Variants in RIC1 observed in about 807,000 individuals in gnomAD.
RIC1 encodes the protein guanine nucleotide exchange factor subunit RIC1.
Under a neutral mutation model 169.0 loss-of-function variants are expected in RIC1, and 88 were observed. That is an observed-to-expected ratio of 0.52 (90% CI 0.44 to 0.62). RIC1 has a LOEUF of 0.62. Ranked by LOEUF, RIC1 falls within the 20% of genes least tolerant of loss-of-function variation. RIC1 has a pLI of 0.00. For synonymous variants in RIC1, 790 were observed against 601.5 expected (o/e 1.31, Z -4.59); for missense variants, 1,877 against 1,725.5 (o/e 1.09, Z -1.56).
In RIC1 at chr9:5,708,921, TC is replaced by T. The variant is rs1434199987; in HGVS notation, c.333-4974del. ...TCTTTAAACTGGGTCTATTTTTTTT[TC>T]ATTCTTTTTTCCTATTTCTTGGATT... On this transcript the variant is annotated intron_variant, in intron 3 of 25. Transcript: ENST00000414202. Among the ~76,000 whole-genome samples the T allele has an allele frequency of 2.0e-5, 3 of 152,258 alleles. No homozygotes were observed. In the East Asian group the frequency reaches 5.8e-4, roughly 29 times the overall value.
intron 1 of RIC1, among the ~76,000 whole-genome samples, chr9:5,650,670 GT>G (rs1417096919): frequency 5.3e-5 from 8 of 152,168 alleles, no homozygotes; most frequent in African/African-American, 1.9e-4. Context: ...CTTGCTGTTA[GT>G]GGAGATGGGG....
intron 23 of RIC1, among the ~76,000 whole-genome samples, chr9:5,770,823 C>G (rs957597900): frequency 2.0e-5 from 3 of 151,996 alleles, no homozygotes; most frequent in Non-Finnish European, 2.9e-5. Context: ...GGTGCTTTTA[C>G]AAAAAAATGT....
rs142598479 is a variant in RIC1, at chr9:5,680,763, C to T, written c.253-9196C>T. 9.6e-4 allele frequency among the ~76,000 whole-genome samples: 141 copies of T among 147,370 alleles called. 1 individual carries two copies. The East Asian group carries it at 0.021, about 22-fold the overall frequency. ...TTTTCTTCTTTATTAGTCTTGCTAG[C>T]GGTCTATCAATTTTGTTGATCTTTC... On this transcript the variant is annotated intron_variant, in intron 2 of 25. Transcript: ENST00000414202.
intron 7 of RIC1, among the ~76,000 whole-genome samples, chr9:5,733,057 T>G (rs577344687): frequency 1.3e-5 from 2 of 152,298 alleles, no homozygotes; most frequent in African/African-American, 4.8e-5. Context: ...GAGCTTAAAT[T>G]TTAGCTCATA....
At chr9:5,658,340 G>C (rs1271947477) in intron 2 of RIC1, among the ~76,000 whole-genome samples, 3 of 152,150 alleles carry the variant, frequency 2.0e-5, no homozygotes, top group South Asian at 4.1e-4. Context: ...GGTTAAGTTA[G>C]AAGAATTAAA....
chr9:5,761,048 C>A (rs1403989495), intron 17 of RIC1, among the ~76,000 whole-genome samples: 1 of 151,502 alleles, frequency 6.6e-6, no homozygotes, highest in Non-Finnish European at 1.5e-5. Flanking sequence ...CTCTTTTTAC[C>A]CTGGCTAGTG....
At chr9:5,649,363 T>C (rs1267975821) in intron 1 of RIC1, among the ~76,000 whole-genome samples, 1 of 152,190 alleles carries the variant, frequency 6.6e-6, no homozygotes, top group African/African-American at 2.4e-5. Flanking sequence ...TGGTGTCCCA[T>C]ATGTCATGTA....
intron 6 of RIC1, among the ~76,000 whole-genome samples, chr9:5,731,969 G>T (rs190084566): frequency 6.6e-6 from 1 of 152,296 alleles, no homozygotes; most frequent in East Asian, 1.9e-4. Flanking sequence ...CAAACAGAAT[G>T]TACTACTTTT....
chr9:5,691,454 C>A (rs1036956704), intron 3 of RIC1, among the ~76,000 whole-genome samples: 1 of 151,910 alleles, frequency 6.6e-6, no homozygotes, highest in Non-Finnish European at 1.5e-5. Context: ...TTTTGGAAAT[C>A]TTTAAAGTAC....
intron 4 of RIC1, 84 bp from the exon 5 acceptor site, chr9:5,720,098 G>A (rs1823494528): frequency 1.0e-6 from 1 of 1,004,064 alleles, no homozygotes; most frequent in South Asian, 1.8e-5. Flanking sequence ...ATTTTTGCAT[G>A]AGTATTCTCT....
At chr9:5,661,347 T>C (rs531698766) in intron 2 of RIC1, among the ~76,000 whole-genome samples, 4 of 152,300 alleles carry the variant, frequency 2.6e-5, no homozygotes, top group South Asian at 4.1e-4. Flanking sequence ...AATTTTAAAA[T>C]AGCTTTTTTC....
intron 23 of RIC1, among the ~76,000 whole-genome samples, chr9:5,771,891 G>A (rs1827246718): frequency 6.6e-6 from 1 of 152,092 alleles, no homozygotes; most frequent in South Asian, 2.1e-4. Context: ...ATTAACTGAA[G>A]AAAATCCATG....
At chr9:5,661,954 A>G (rs551970574) in intron 2 of RIC1, among the ~76,000 whole-genome samples, 13 of 152,130 alleles carry the variant, frequency 8.5e-5, no homozygotes, top group Admixed American at 7.9e-4. Flanking sequence ...TCATTATGAT[A>G]TTGGCTGTGG....
chr9:5,756,399 C>G (rs776483314), intron 16 of RIC1, 27 bp downstream of exon 16: 13 of 1,355,706 alleles, frequency 9.6e-6, no homozygotes, highest in Admixed American at 2.6e-5. Flanking sequence ...TGAGAAGTCA[C>G]TTTTTGCTCC....
chr9:5,633,122 A>G (rs1206647985), intron 1 of RIC1, among the ~76,000 whole-genome samples: 2 of 152,214 alleles, frequency 1.3e-5, no homozygotes. Context: ...CTTATAAAAT[A>G]AATTATATGT....
At chr9:5,652,025 G>T (rs570564639) in intron 1 of RIC1, among the ~76,000 whole-genome samples, 1 of 152,280 alleles carries the variant, frequency 6.6e-6, no homozygotes, top group South Asian at 2.1e-4. Context: ...TCAGTTGGCT[G>T]TAAAAGCATG....
chr9:5,758,643 T>C (rs1826147994), intron 17 of RIC1, among the ~76,000 whole-genome samples: 1 of 151,902 alleles, frequency 6.6e-6, no homozygotes, highest in Admixed American at 6.6e-5. Flanking sequence ...TCATCTTATC[T>C]GCATGCTAAA....
intron 2 of RIC1, among the ~76,000 whole-genome samples, chr9:5,668,258 ACAATT>A (rs1238273054): frequency 3.3e-5 from 5 of 152,196 alleles, no homozygotes; most frequent in Non-Finnish European, 5.9e-5. Context: ...TATGGGAACT[ACAATT>A]CAAGATGAAA....
chr9:5,681,149 G>T (rs539166798), intron 2 of RIC1, among the ~76,000 whole-genome samples: 134 of 151,968 alleles, frequency 8.8e-4, no homozygotes, highest in African/African-American at 3.1e-3. Context: ...GTTTTTTTGT[G>T]TCTCTATTTC....
Sources: allele counts gnomAD v4.1 joint callset (sites outside exome capture counted in the v4.1 genomes callset), GRCh38; gene constraint gnomAD v4.1.1; transcripts MANE v1.5; gene names NCBI Gene and HGNC (gene_info 2026-07-23, HGNC 2026-07-21).